Variants in TEX11 observed in about 807,000 individuals in gnomAD.
The protein encoded by TEX11 is testis expressed 11.
Under a neutral mutation model 84.4 loss-of-function variants are expected in TEX11, and 7 were observed. The observed-to-expected ratio is 0.08, with a 90% CI of 0.05 to 0.16. The LOEUF (loss-of-function observed/expected upper bound fraction) is 0.16. Among genes scored for constraint, TEX11 ranks in the 10% least tolerant of loss-of-function variants. The probability of loss-of-function intolerance (pLI) is 1.00; values close to 1 mark genes in which losing one functional copy is unlikely to be tolerated. For synonymous variants in TEX11, 264 were observed against 222.8 expected, an observed-to-expected ratio of 1.18 and a Z score of -1.64; for missense variants, 551 against 660.5, an observed-to-expected ratio of 0.83 and a Z score of 1.82.
intron 7 of TEX11, among the ~76,000 whole-genome samples, chrX:70,846,923 C>CAA (rs201623866): frequency 2.8e-5 from 3 of 108,089 alleles, no homozygotes; most frequent in African/African-American, 1.0e-4. Flanking sequence ...GACTCTGTCT[C>CAA]AAAAAAAAAG....
intron 11 of TEX11, among the ~76,000 whole-genome samples, chrX:70,729,825 C>T (rs972994309): frequency 9.0e-6 from 1 of 110,776 alleles, no homozygotes; most frequent in Non-Finnish European, 1.9e-5. Context: ...AAAGATATGC[C>T]TCGAGAAGAG....
intron 9 of TEX11, among the ~76,000 whole-genome samples, chrX:70,782,645 C>CA (rs780011355): frequency 0.035 from 1,024 of 28,866 alleles, 162 homozygotes; most frequent in African/African-American, 0.18. Context: ...AAATGGAAAG[C>CA]AAAAAAAAAA....
intron 8 of TEX11, among the ~76,000 whole-genome samples, chrX:70,814,549 C>T (rs1273416123): frequency 8.9e-6 from 1 of 112,367 alleles, no homozygotes; most frequent in Non-Finnish European, 1.9e-5. Context: ...AATGTTACTA[C>T]AGAGAGAAAT....
intron 13 of TEX11, among the ~76,000 whole-genome samples, chrX:70,693,688 T>C (rs1186071305): frequency 8.9e-6 from 1 of 111,804 alleles, no homozygotes; most frequent in African/African-American, 3.3e-5. Flanking sequence ...GAATAGGTTC[T>C]GGTGACCTAA....
At chrX:70,534,862 C>T (rs193116406) in intron 28 of TEX11, among the ~76,000 whole-genome samples, 1 of 111,840 alleles carries the variant, frequency 8.9e-6, no homozygotes, top group African/African-American at 3.2e-5. Context: ...CTGCCACCAT[C>T]ATCACAATCA....
chrX:70,889,733 G>T (rs1387328496), intron 2 of TEX11, among the ~76,000 whole-genome samples: 1 of 111,414 alleles, frequency 9.0e-6, no homozygotes, highest in Non-Finnish European at 1.9e-5. Context: ...AAAATAATGG[G>T]TTATAAGATA....
intron 2 of TEX11, among the ~76,000 whole-genome samples, chrX:70,882,598 C>T (rs1159288047): frequency 1.8e-5 from 2 of 111,042 alleles, no homozygotes; most frequent in African/African-American, 6.6e-5. Context: ...CTGGGGAACA[C>T]AGTGAGACTT....
intron 5 of TEX11, among the ~76,000 whole-genome samples, chrX:70,854,772 G>A (rs756327744): frequency 1.8e-5 from 2 of 108,881 alleles, no homozygotes; most frequent in African/African-American, 6.7e-5. Context: ...TAGGCCAGGC[G>A]CCGTGGCTCA....
At chrX:70,774,184 G>A in intron 9 of TEX11, among the ~76,000 whole-genome samples, 1 of 108,976 alleles carries the variant, frequency 9.2e-6, no homozygotes, top group East Asian at 2.9e-4. Context: ...CAGCACCAGG[G>A]CTCGGGTGGG....
At chrX:70,754,014 C>T (rs1011437384) in intron 9 of TEX11, among the ~76,000 whole-genome samples, 1 of 110,177 alleles carries the variant, frequency 9.1e-6, no homozygotes, top group African/African-American at 3.3e-5. Flanking sequence ...TCAGCACATT[C>T]CCAGCTGTGG....
chrX:70,793,620 G>A (rs1482113228), intron 9 of TEX11, among the ~76,000 whole-genome samples: 2 of 111,859 alleles, frequency 1.8e-5, no homozygotes, highest in East Asian at 5.6e-4. Flanking sequence ...CTTACCAGAA[G>A]CAGATGACAG....
chrX:70,536,229 G>T (rs1231557587), intron 28 of TEX11, among the ~76,000 whole-genome samples: 1 of 110,532 alleles, frequency 9.0e-6, no homozygotes, highest in Non-Finnish European at 1.9e-5. Flanking sequence ...ATACTGTAAG[G>T]TAGGCACTTT....
chrX:70,894,278 G>C (rs890619210), intron 2 of TEX11, among the ~76,000 whole-genome samples: 28 of 110,932 alleles, frequency 2.5e-4, no homozygotes, highest in African/African-American at 7.2e-4. Context: ...CACGAAAAAA[G>C]AAAATTTCAG....
intron 28 of TEX11, among the ~76,000 whole-genome samples, chrX:70,549,683 G>A (rs924690761): frequency 8.0e-5 from 9 of 112,072 alleles, no homozygotes; most frequent in South Asian, 3.7e-4. Flanking sequence ...ACTCTTCTGC[G>A]TGTGGAAAGA....
At chrX:70,729,791 T>A (rs2090630284) in intron 11 of TEX11, among the ~76,000 whole-genome samples, 1 of 110,885 alleles carries the variant, frequency 9.0e-6, no homozygotes, top group Non-Finnish European at 1.9e-5. Context: ...AGCATTCAGA[T>A]TCAGGAAATA....
chrX:70,607,029 G>A lies in TEX11; in HGVS notation c.1880C>T (p.Ala627Val), dbSNP rs1569353761. 2 of 1,181,830 alleles carry A rather than the reference G, an allele frequency of 1.7e-6. No individual in the cohort carries two copies. The highest frequency in any genetic ancestry group is 2.3e-6 in the Non-Finnish European group (2 of 876,504). ...ANEAQWFRKTAWNLAVQCDKD... is the reference protein window; with the variant it reads ...ANEAQWFRKTVWNLAVQCDKD... ...GTCACATTGCACAGCCAAGTTCCAA[G>A]CTGGAAATTAACATGAAATAACATA... Residue 627 changes from alanine to valine, a missense_variant and splice_region_variant, in exon 23 of 30, where the codon GCT becomes GTT. By Grantham distance (64) the Ala-to-Val change is moderately conservative. Transcript: ENST00000374333.
chrX:70,760,274 A>G (rs994597713), intron 9 of TEX11, among the ~76,000 whole-genome samples: 1 of 112,129 alleles, frequency 8.9e-6, no homozygotes, highest in African/African-American at 3.2e-5. Context: ...TTTAAAGTTT[A>G]TATGGAACCA....
chrX:70,893,092 A>T (rs747229441), intron 2 of TEX11, among the ~76,000 whole-genome samples: 1 of 111,291 alleles, frequency 9.0e-6, no homozygotes, highest in African/African-American at 3.3e-5. Context: ...ACTCCCACAC[A>T]ATAATAGTGG....
At chrX:70,761,734 AAG>A (rs2090910246) in intron 9 of TEX11, among the ~76,000 whole-genome samples, 1 of 112,160 alleles carries the variant, frequency 8.9e-6, no homozygotes, top group Non-Finnish European at 1.9e-5. Context: ...TAAAAAAAGA[AAG>A]AAAGTTTATT....
Sources: gnomAD v4.1 joint callset for allele counts (sites outside exome capture counted in the v4.1 genomes callset) on GRCh38, gnomAD v4.1.1 for gene constraint, MANE v1.5 for transcripts, NCBI Gene and HGNC (gene_info 2026-07-23, HGNC 2026-07-21) for gene names.